Variants in IL12RB2 observed in about 807,000 individuals in gnomAD.
IL12RB2 encodes the protein interleukin 12 receptor subunit beta 2.
Under a neutral mutation model 89.4 loss-of-function variants are expected in IL12RB2, and 82 were observed. The ratio of observed to expected loss-of-function variants is 0.92; its 90% CI spans 0.77 to 1.10. IL12RB2 has a LOEUF of 1.10. Among genes scored for constraint, IL12RB2 ranks in the 50% least tolerant of loss-of-function variants. The pLI, the probability that IL12RB2 is intolerant of heterozygous loss-of-function variation, is 0.00. For missense variants in IL12RB2, 963 were observed against 1,031.9 expected (o/e 0.93, Z 0.92); for synonymous variants, 368 against 370.1 (o/e 0.99, Z 0.07).
chr1:67,326,956 T>C (rs1334166878), intron 5 of IL12RB2, 107 bp downstream of exon 5: 4 of 821,656 alleles, frequency 4.9e-6, no homozygotes, highest in Non-Finnish European at 5.9e-6. Context: ...TATTTATTTA[T>C]TTATTTATTT....
intron 2 of IL12RB2, among the ~76,000 whole-genome samples, chr1:67,314,711 A>G (rs933922969): frequency 1.3e-5 from 2 of 152,158 alleles, no homozygotes; most frequent in African/African-American, 2.4e-5. Flanking sequence ...GCACAATACA[A>G]TTTTGAAGTA....
chr1:67,321,950 G>A (rs1304176740), intron 4 of IL12RB2, 61 bp downstream of exon 4: 2 of 1,450,876 alleles, frequency 1.4e-6, no homozygotes, highest in African/African-American at 2.8e-5. Flanking sequence ...TGATCTTTTG[G>A]TATTTGGTGT....
At chr1:67,339,261 C>T (rs1006859664) in intron 9 of IL12RB2, among the ~76,000 whole-genome samples, 56 of 151,938 alleles carry the variant, frequency 3.7e-4, no homozygotes, top group Non-Finnish European at 2.9e-4. Context: ...CCAAGGCAGG[C>T]GGATCACTTG....
chr1:67,360,013 G>A (rs1280313982), intron 10 of IL12RB2, among the ~76,000 whole-genome samples: 1 of 152,112 alleles, frequency 6.6e-6, no homozygotes, highest in Admixed American at 6.5e-5. Context: ...CTCACAAATT[G>A]CTGGAGGCTC....
intron 9 of IL12RB2, among the ~76,000 whole-genome samples, chr1:67,340,360 T>C (rs968802168): frequency 1.3e-5 from 2 of 152,274 alleles, no homozygotes; most frequent in Admixed American, 1.3e-4. Context: ...AGCCTAATTA[T>C]TTCCTTTTCA....
At chr1:67,379,341 C>T (rs748744859) in intron 13 of IL12RB2, among the ~76,000 whole-genome samples, 21 of 147,012 alleles carry the variant, frequency 1.4e-4, no homozygotes, top group Admixed American at 1.0e-3. Flanking sequence ...GAAACCCCAT[C>T]ACTACTAAAA....
At chr1:67,377,030 G>A (rs1485651171) in intron 13 of IL12RB2, among the ~76,000 whole-genome samples, 1 of 152,234 alleles carries the variant, frequency 6.6e-6, no homozygotes, top group Admixed American at 6.5e-5. Flanking sequence ...TCAACAGGAT[G>A]TAAACTATAG....
At chr1:67,383,784 C>G (rs1484613927) in intron 14 of IL12RB2, among the ~76,000 whole-genome samples, 1 of 152,226 alleles carries the variant, frequency 6.6e-6, no homozygotes, top group Non-Finnish European at 1.5e-5. Context: ...TTATATCCTA[C>G]TGCTCAAGGT....
chr1:67,327,923 CA>C (rs918496959), intron 5 of IL12RB2, among the ~76,000 whole-genome samples: 1 of 152,152 alleles, frequency 6.6e-6, no homozygotes, highest in Non-Finnish European at 1.5e-5. Context: ...GCCAAGATGA[CA>C]AGCAGGGTTT....
intron 10 of IL12RB2, among the ~76,000 whole-genome samples, chr1:67,361,387 T>C (rs974364751): frequency 6.6e-6 from 1 of 152,160 alleles, no homozygotes; most frequent in Non-Finnish European, 1.5e-5. Context: ...ATGTTTAATA[T>C]GCTAAAGGCT....
rs114022037 is a variant in IL12RB2, at chr1:67,327,478, T to A, written c.479+629T>A. Among the ~76,000 whole-genome samples, 254 of 152,326 alleles carry A rather than the reference T, an allele frequency of 1.7e-3. 1 individual carries two copies. The highest frequency in any genetic ancestry group is 5.9e-3 in the African/African-American group (246 of 41,566). On this transcript the variant is annotated intron_variant, in intron 5 of 16. Transcript: ENST00000674203. Reference sequence around the variant, plus strand: ...CCCACTCTAGTAGGGTTAAACTGGCTGCATAAGATCGCTTCTCTTTTCTGC... The same window carrying A: ...CCCACTCTAGTAGGGTTAAACTGGCAGCATAAGATCGCTTCTCTTTTCTGC...
rs1488822271 is a variant in IL12RB2, at chr1:67,326,937, A to G, written c.479+88A>G. 3.9e-6 allele frequency: 3 copies of G among 766,296 alleles called. No homozygotes were observed. The Admixed American group carries it at 1.6e-4, about 42-fold the overall frequency. The allele number at this position is 766,296 out of a possible 1,614,324, so 47.5% of individuals were successfully genotyped here. On this transcript the variant is annotated intron_variant, in intron 5 of 16. Coordinates refer to ENST00000674203, the MANE Select transcript of IL12RB2 (RefSeq NM_001374259.2). ...ATATCTGTTTTCTTTATTTATTTTT[A>G]TTTTATTTTATTTATTTATTTATTT...
Position 67,397,056 on chromosome 1 carries a change from T to G in IL12RB2, c.*967T>G, listed in dbSNP as rs1025870099. 6.6e-6 allele frequency among the ~76,000 whole-genome samples: 1 copy of G among 150,684 alleles called. No individual in the cohort carries two copies. Among genetic ancestry groups the G allele is most frequent in the African/African-American group, 2.4e-5 (1 of 40,844 alleles). ...GGGAGGCTGAGGGAGGAGAATGACA[T>G]GAACCTGGGAGGTGGGGCTTGCAGT... On this transcript the variant is annotated 3_prime_UTR_variant, in exon 17 of 17. Coordinates refer to ENST00000674203, the MANE Select transcript of IL12RB2 (RefSeq NM_001374259.2).
chr1:67,369,037 A>C (rs1283551968), intron 11 of IL12RB2, among the ~76,000 whole-genome samples: 1 of 152,218 alleles, frequency 6.6e-6, no homozygotes, highest in Non-Finnish European at 1.5e-5. Flanking sequence ...CACCCTGCTT[A>C]AGGTGACAAG....
At chr1:67,326,524 T>G (rs2100643908) in intron 4 of IL12RB2, among the ~76,000 whole-genome samples, 1 of 152,324 alleles carries the variant, frequency 6.6e-6, no homozygotes, top group South Asian at 2.1e-4. Flanking sequence ...GCATATAGTA[T>G]TTGATCCATA....
chr1:67,308,093 C>G (rs1569636515), intron 1 of IL12RB2, 126 bp downstream of exon 1: 1 of 124,834 alleles, frequency 8.0e-6, no homozygotes, highest in African/African-American at 3.4e-5. Context: ...CGGCTTCTCT[C>G]TTTATATATA....
Position 67,320,442 on chromosome 1 carries a change from T to C in IL12RB2, c.74T>C (p.Ile25Thr). The change falls in exon 3 of 17, where the codon ATA becomes ACA. Residue 25 changes from isoleucine to threonine, a missense_variant and splice_region_variant. By Grantham distance (89) the Ile-to-Thr change is moderately conservative (BLOSUM62 -1). Coordinates refer to ENST00000674203, the MANE Select transcript of IL12RB2 (RefSeq NM_001374259.2). ...ACGTGGCTGTTGATTAAAGCAAAAA[T>C]AGGTAAGATATTTCTGTAAGTTACT... ...IITWLLIKAK[I>T]DACKRGDVTV... is the part of the protein sequence containing the mutation. 3 of 1,613,784 alleles carry C rather than the reference T, an allele frequency of 1.9e-6. No homozygotes were observed. The highest frequency in any genetic ancestry group is 2.5e-6 in the Non-Finnish European group (3 of 1,179,854).
At position 67,396,012 on chromosome 1, in the gene IL12RB2, C is replaced by G. The variant is rs1666337296; in HGVS notation, c.2512C>G (p.His838Asp). The change falls in exon 17 of 17, where the codon CAC becomes GAC. Residue 838 changes from histidine (H) to aspartate (D), a missense_variant. Coordinates refer to ENST00000674203, the MANE Select transcript of IL12RB2 (RefSeq NM_001374259.2). ...SLSVFPSSSL[H>D]PLTFSCGDKL... Reference sequence around the variant, plus strand: ...TTCTGTTTTCCCCTCAAGTTCTCTTCACCCACTCACCTTCTCCTGTGGTGA... The same window carrying G: ...TTCTGTTTTCCCCTCAAGTTCTCTTGACCCACTCACCTTCTCCTGTGGTGA... 6.2e-7 allele frequency: 1 copy of G among 1,603,886 alleles called. No individual in the cohort carries two copies. Among genetic ancestry groups the G allele is most frequent in the East Asian group, 2.2e-5 (1 of 44,840 alleles).
At chr1:67,379,677 A>C (rs1363030233) in intron 13 of IL12RB2, among the ~76,000 whole-genome samples, 1 of 152,060 alleles carries the variant, frequency 6.6e-6, no homozygotes, top group Admixed American at 6.5e-5. Flanking sequence ...AAAATAACAA[A>C]AATTTATTCA....
Sources: gnomAD v4.1 joint callset for allele counts (sites outside exome capture counted in the v4.1 genomes callset) on GRCh38, gnomAD v4.1.1 for gene constraint, MANE v1.5 for transcripts, NCBI Gene and HGNC (gene_info 2026-07-23, HGNC 2026-07-21) for gene names.